CACNA1C: variants seen among roughly 807,000 people sequenced by gnomAD.
CACNA1C encodes the protein voltage-dependent L-type calcium channel subunit alpha-1C.
In CACNA1C, 30 loss-of-function variants were observed where a neutral mutation model predicts 229.0. That is an observed-to-expected ratio of 0.13 (90% CI 0.10 to 0.18). CACNA1C has a LOEUF of 0.18. CACNA1C is among the 10% of genes least tolerant of loss of function. The probability of loss-of-function intolerance (pLI) is 1.00; values close to 1 mark genes in which losing one functional copy is unlikely to be tolerated. For synonymous variants in CACNA1C, 1,114 were observed against 1,132.5 expected, an observed-to-expected ratio of 0.98 and a Z score of 0.33; for missense variants, 1,658 against 2,845.0, an observed-to-expected ratio of 0.58 and a Z score of 9.49.
intron 3 of CACNA1C, among the ~76,000 whole-genome samples, chr12:2,234,552 C>T (rs73033361): frequency 4.6e-5 from 7 of 152,282 alleles, no homozygotes; most frequent in Non-Finnish European, 1.0e-4. Context: ...CAGCCTGGAG[C>T]GTTCGCCCCA....
At chr12:2,321,341 T>C (rs1432890127) in intron 3 of CACNA1C, among the ~76,000 whole-genome samples, 1 of 152,018 alleles carries the variant, frequency 6.6e-6, no homozygotes, top group Non-Finnish European at 1.5e-5. Flanking sequence ...TGGAGTCCCA[T>C]TTTGAGCAAG....
At chr12:2,640,935 C>T (rs1178911289) in intron 30 of CACNA1C, among the ~76,000 whole-genome samples, 2 of 152,224 alleles carry the variant, frequency 1.3e-5, no homozygotes, top group Non-Finnish European at 2.9e-5. Flanking sequence ...GACTCCAGCC[C>T]TCTCTCTCGG....
At chr12:2,284,540 T>C (rs2154442230) in intron 3 of CACNA1C, among the ~76,000 whole-genome samples, 1 of 152,240 alleles carries the variant, frequency 6.6e-6, no homozygotes, top group African/African-American at 2.4e-5. Context: ...GTCAACTCTT[T>C]AGGGAGAGAG....
chr12:2,413,853 G>T (rs1190234589), intron 3 of CACNA1C, among the ~76,000 whole-genome samples: 1 of 152,182 alleles, frequency 6.6e-6, no homozygotes. Context: ...TGAGCTAGAG[G>T]TGAGCTTCCC....
In CACNA1C at chr12:2,354,444, G is replaced by C. The variant is rs2097296494; in HGVS notation, c.478-94532G>C. 6.6e-6 allele frequency among the ~76,000 whole-genome samples: 1 copy of C among 152,224 alleles called. No individual in the cohort carries two copies. The highest frequency in any genetic ancestry group is 2.4e-5 in the African/African-American group (1 of 41,462). On this transcript the variant is annotated intron_variant, in intron 3 of 46. Transcript: ENST00000399655. This position sits in a 1 kb window ranked among gnomAD's most constrained non-coding sequence, Gnocchi z 4.6. Reference sequence around the variant, plus strand: ...AGCCAGGGCTGCAGCTATGACTGCAGCCTGTAGGGAAACGCCGGGAGGAAC... The same window carrying C: ...AGCCAGGGCTGCAGCTATGACTGCACCCTGTAGGGAAACGCCGGGAGGAAC...
intron 3 of CACNA1C, among the ~76,000 whole-genome samples, chr12:2,350,250 A>C (rs1044040285): frequency 6.6e-6 from 1 of 152,148 alleles, no homozygotes; most frequent in Non-Finnish European, 1.5e-5. Flanking sequence ...GACCTTCCCC[A>C]GGGGTGGGTT....
intron 9 of CACNA1C, among the ~76,000 whole-genome samples, chr12:2,544,523 T>A (rs1217515805): frequency 6.6e-6 from 1 of 152,208 alleles, no homozygotes; most frequent in Non-Finnish European, 1.5e-5. Context: ...GAAATTGTGG[T>A]TTCAGACTGT....
intron 1 of CACNA1C, chr12:2,004,287 C>A (rs1158640341): frequency 1.2e-6 from 2 of 1,613,156 alleles, no homozygotes; most frequent in East Asian, 4.5e-5. Flanking sequence ...CGCACCCACT[C>A]GTTGGCCCGA....
chr12:2,312,061 C>G (rs1219311407), intron 3 of CACNA1C, among the ~76,000 whole-genome samples: 1 of 152,150 alleles, frequency 6.6e-6, no homozygotes, highest in East Asian at 1.9e-4. Flanking sequence ...GTTCTGGCTT[C>G]CTGGGAACAG....
chr12:2,242,826 G>A (rs2154375926), intron 3 of CACNA1C, among the ~76,000 whole-genome samples: 1 of 152,330 alleles, frequency 6.6e-6, no homozygotes, highest in Admixed American at 6.5e-5. Context: ...TGTGTGGCTT[G>A]TAGTTTCAAA....
chr12:2,106,507 AGCTGGGTGTCCTGAAGC>A (rs1336157918), intron 1 of CACNA1C, among the ~76,000 whole-genome samples: 5 of 98,366 alleles, frequency 5.1e-5, no homozygotes, highest in African/African-American at 2.0e-4. Context: ...TTTCCACCTC[AGCTGGGTGTCCTGAAGC>A]CACTGGGCGC....
At chr12:2,447,250 C>T (rs574158840) in intron 3 of CACNA1C, among the ~76,000 whole-genome samples, 4 of 152,180 alleles carry the variant, frequency 2.6e-5, no homozygotes, top group African/African-American at 7.2e-5. Flanking sequence ...GAGCTTCCCA[C>T]GTCCTGTGAT....
chr12:2,608,775 C>A lies in CACNA1C; in HGVS notation c.3558+63C>A. ...ACGGAGGGAATGGCAGCCTGCGGCC[C>A]ACCCCGCAGAGGGGCTGCGACAGGG... On this transcript the variant is annotated intron_variant, in intron 27 of 46. Transcript: ENST00000399655. The surrounding 1 kb of genome is among the most constrained non-coding windows in gnomAD (Gnocchi z 4.2). The A allele has an allele frequency of 6.5e-7, 1 of 1,543,946 alleles. No individual in the cohort carries two copies. Among genetic ancestry groups the A allele is most frequent in the South Asian group, 1.1e-5 (1 of 87,114 alleles).
rs117068658 is a variant in CACNA1C, at chr12:2,251,497, C to T, written c.477+131067C>T. Among the ~76,000 whole-genome samples, 6 of 152,222 alleles carry T rather than the reference C, an allele frequency of 3.9e-5. No individual in the cohort carries two copies. In the East Asian group the frequency reaches 5.8e-4, roughly 15 times the overall value. On this transcript the variant is annotated intron_variant, in intron 3 of 46. Transcript: ENST00000399655. The stretch of plus-strand genomic sequence containing the variant: ...GGAGGTTGAGGTAGGTCAGGGAGGC[C>T]GCAGGTGCTTATCTAAGTGGCACTG...
chr12:2,459,065 C>T (rs2099472471), intron 5 of CACNA1C, among the ~76,000 whole-genome samples: 1 of 149,604 alleles, frequency 6.7e-6, no homozygotes, highest in Non-Finnish European at 1.5e-5. Flanking sequence ...TCACTGCAAC[C>T]TCCGCCTCCC....
In CACNA1C at chr12:2,693,905, C is replaced by T. The variant is rs2097815763; in HGVS notation, c.*2706C>T. On this transcript the variant is annotated 3_prime_UTR_variant, in exon 47 of 47. Transcript: ENST00000399655. ...AAATTACAATAAGGGACAGTCCATT[C>T]CTCTATGACAGCTTGCTGGACTGAT... 6.6e-6 allele frequency: 1 copy of T among 152,162 alleles called. No homozygotes were observed. Among genetic ancestry groups the T allele is most frequent in the Non-Finnish European group, 1.5e-5 (1 of 68,038 alleles). 9.4% of individuals were successfully genotyped at this position (152,162 alleles called of 1,614,324 possible).
intron 7 of CACNA1C, among the ~76,000 whole-genome samples, chr12:2,502,321 G>A (rs1490681405): frequency 6.6e-6 from 1 of 152,236 alleles, no homozygotes; most frequent in Non-Finnish European, 1.5e-5. Context: ...TAGGCACCTG[G>A]GGTACACCCG....
intron 3 of CACNA1C, among the ~76,000 whole-genome samples, chr12:2,121,704 A>C (rs2086837527): frequency 1.3e-5 from 2 of 152,206 alleles, no homozygotes; most frequent in South Asian, 4.1e-4. Flanking sequence ...AGAAATCTTT[A>C]CTGTGTCAAA....
chr12:2,579,717 A>T (rs1338025499), intron 13 of CACNA1C, among the ~76,000 whole-genome samples: 1 of 152,096 alleles, frequency 6.6e-6, no homozygotes, highest in South Asian at 2.1e-4. Context: ...AGTAGGTGGG[A>T]CTACAGGCAT....
Sources: gnomAD v4.1 joint callset for allele counts (sites outside exome capture counted in the v4.1 genomes callset) on GRCh38, gnomAD v4.1.1 for gene constraint, Gnocchi (gnomAD v3.1) non-coding constraint, MANE v1.5 for transcripts, NCBI Gene and HGNC (gene_info 2026-07-23, HGNC 2026-07-21) for gene names.